SFXN3: variants seen among roughly 807,000 people sequenced by gnomAD.
SFXN3 encodes sideroflexin-3.
In SFXN3, 31 loss-of-function variants were observed where a neutral mutation model predicts 40.4. The observed-to-expected ratio is 0.77, with a 90% confidence interval of 0.58 to 1.04. The LOEUF is 1.04. Ranked by LOEUF, SFXN3 falls within the 50% of genes least tolerant of loss-of-function variation. The probability of loss-of-function intolerance (pLI) is 0.00; values close to 1 mark genes in which losing one functional copy is unlikely to be tolerated. For synonymous variants in SFXN3, 157 were observed against 160.0 expected, an observed-to-expected ratio of 0.98 and a Z score of 0.14; for missense variants, 366 against 408.2, an observed-to-expected ratio of 0.90 and a Z score of 0.89.
In SFXN3 at chr10:101,035,418, C is replaced by T. The variant is rs1447782616; in HGVS notation, c.162-79C>T. Reference sequence around the variant, plus strand: ...TTCCTGGTTCTCTGTCCAGAGTTACCCTGAGCTGGGCAGGTGGGGCCTGTG... The same window carrying T: ...TTCCTGGTTCTCTGTCCAGAGTTACTCTGAGCTGGGCAGGTGGGGCCTGTG... On this transcript the variant is annotated intron_variant, in intron 3 of 11. Transcript: ENST00000393459. 9 of 1,495,074 alleles carry T rather than the reference C, an allele frequency of 6.0e-6. No homozygotes were observed. The South Asian group carries it at 6.7e-5, about 11-fold the overall frequency. The allele number at this position is 1,495,074 out of a possible 1,614,324, so 92.6% of individuals were successfully genotyped here. A position where few individuals can be genotyped will look rare whatever the true frequency, so the allele number is the denominator to read the frequency against.
intron 3 of SFXN3, 131 bp from the exon 4 acceptor site, chr10:101,035,366 T>C (rs529168872): frequency 9.2e-7 from 1 of 1,084,094 alleles, no homozygotes; most frequent in South Asian, 2.0e-5. Context: ...ATAAGGAGCT[T>C]CCTTATGCTG....
chr10:101,035,735 C>A, intron 4 of SFXN3, 68 bp downstream of exon 4: 1 of 1,541,230 alleles, frequency 6.5e-7, no homozygotes, highest in South Asian at 1.3e-5. Flanking sequence ...AGGTGCGCTT[C>A]TTGTCTGGGC....
exon 1 of SFXN3, chr10:101,031,357 G>A (rs542550755): frequency 6.6e-6 from 1 of 152,454 alleles, no homozygotes; most frequent in African/African-American, 2.4e-5. Flanking sequence ...TTAGGGCTTG[G>A]GTCTGGCTTG....
intron 8 of SFXN3, 84 bp from the exon 9 acceptor site, chr10:101,037,298 A>G: frequency 6.2e-7 from 1 of 1,613,512 alleles, no homozygotes; most frequent in Non-Finnish European, 8.5e-7. Context: ...GAGAGGGAGG[A>G]GCTTTGAGGG....
At chr10:101,032,246 C>T in intron 1 of SFXN3, 68 bp from the exon 2 acceptor site, 1 of 493,758 alleles carries the variant, frequency 2.0e-6, no homozygotes, top group Non-Finnish European at 3.7e-6. Flanking sequence ...CTCTGGGAAG[C>T]AGCTTAGGGC....
intron 7 of SFXN3, 66 bp from the exon 8 acceptor site, chr10:101,037,010 G>T: frequency 6.3e-7 from 1 of 1,597,048 alleles, no homozygotes. Context: ...AGGAGCCGCT[G>T]CTCATTCGGG....
chr10:101,037,563 CTCCACCTTCGTTCAT>C, intron 9 of SFXN3, 132 bp downstream of exon 9: 1 of 1,577,394 alleles, frequency 6.3e-7, no homozygotes, highest in South Asian at 1.2e-5. Flanking sequence ...GCACCGCCTC[CTCCACCTTCGTTCAT>C]TCAGCAAGAA....
chr10:101,039,469 C>A lies in SFXN3; in HGVS notation c.870-20C>A, dbSNP rs748983081. ...GTTGGATTCAGGGGACGTTAACTGG[C>A]CTGTGCTGTTCTATTGCAGCTCCAT... is the stretch of plus-strand genomic sequence containing the variant. On this transcript the variant is annotated intron_variant, in intron 11 of 11. Transcript: ENST00000393459. The surrounding 1 kb of genome is among the most constrained non-coding windows in gnomAD (Gnocchi z 4.6). 6.2e-7 allele frequency: 1 copy of A among 1,609,738 alleles called. No homozygotes were observed. Among genetic ancestry groups the A allele is most frequent in the Admixed American group, 1.7e-5 (1 of 59,998 alleles).
exon 3 of SFXN3, chr10:101,034,749 A>G (rs1178553519): frequency 6.2e-7 from 1 of 1,614,152 alleles, no homozygotes; most frequent in Non-Finnish European, 8.5e-7. Flanking sequence ...GGACCAAAGT[A>G]CTTTCCTGGG....
rs916898575 is a variant in SFXN3, at chr10:101,038,836, C to G, written c.821+144C>G. On this transcript the variant is annotated intron_variant, in intron 10 of 11. Transcript: ENST00000393459. ...TGTGTGTTTGGAACAACTATAGGGT[C>G]TACTTTGTGTGTTACGGGGTGGTCC... 1.4e-5 allele frequency: 18 copies of G among 1,322,582 alleles called. No individual in the cohort carries two copies. In the South Asian group the frequency reaches 2.0e-4, roughly 15 times the overall value. 81.9% of individuals were successfully genotyped at this position (1,322,582 alleles called of 1,614,324 possible).
rs1033543422 is a variant in SFXN3, at chr10:101,037,843, A to G, written c.771+412A>G. On this transcript the variant is annotated intron_variant, in intron 9 of 11. Coordinates refer to ENST00000393459, the Ensembl canonical transcript of SFXN3. ...GAACAAGCTCTGGCTCATTCACAGA[A>G]TCATTTATTCACAAATGTATTGAGT... The G allele has an allele frequency of 1.9e-5, 21 of 1,078,016 alleles. No homozygotes were observed. In the African/African-American group the frequency reaches 3.1e-4, roughly 16 times the overall value. 66.8% of individuals were successfully genotyped at this position (1,078,016 alleles called of 1,614,324 possible). A position where few individuals can be genotyped will look rare whatever the true frequency, so the allele number is the denominator to read the frequency against.
intron 4 of SFXN3, 126 bp from the exon 5 acceptor site, chr10:101,035,877 A>G: frequency 3.5e-6 from 4 of 1,136,662 alleles, no homozygotes; most frequent in Non-Finnish European, 5.3e-6. Context: ...GGTTACCAGA[A>G]CAGGTTCTAG....
chr10:101,038,219 G>A, intron 9 of SFXN3: 1 of 1,037,578 alleles, frequency 9.6e-7, no homozygotes, highest in Middle Eastern at 4.5e-4. Flanking sequence ...GGAACAGGTT[G>A]GTGGTCCCTG....
chr10:101,037,369 G>C lies in SFXN3; in HGVS notation c.722-13G>C. 6.2e-7 allele frequency: 1 copy of C among 1,614,126 alleles called. No homozygotes were observed. The highest frequency in any genetic ancestry group is 1.1e-5 in the South Asian group (1 of 91,076). ...TACTAATGTTCTCCTTCTTGGCCCT[G>C]CTCTCCCCACAGCCATCCCACCACT... On this transcript the variant is annotated splice_polypyrimidine_tract_variant and intron_variant, in intron 8 of 11. Coordinates refer to ENST00000393459, the Ensembl canonical transcript of SFXN3.
At position 101,039,968 on chromosome 10, in the gene SFXN3, T is replaced by C. The variant is rs1298169864; in HGVS notation, c.*383T>C. 9.4e-6 allele frequency: 2 copies of C among 212,374 alleles called. No individual in the cohort carries two copies. Among genetic ancestry groups the C allele is most frequent in the Non-Finnish European group, 1.9e-5 (2 of 103,784 alleles). 13.2% of individuals were successfully genotyped at this position (212,374 alleles called of 1,614,324 possible). Reference sequence around the variant, plus strand: ...AGCCAGGCTACAGGTGTGACTTCCTTCTCTAAACTGTTACACCAGCCAAGT... The same window carrying C: ...AGCCAGGCTACAGGTGTGACTTCCTCCTCTAAACTGTTACACCAGCCAAGT... On this transcript the variant is annotated 3_prime_UTR_variant, in exon 12 of 12. Coordinates refer to ENST00000393459, the Ensembl canonical transcript of SFXN3. This position sits in a 1 kb window ranked among gnomAD's most constrained non-coding sequence, Gnocchi z 4.6.
In SFXN3 at chr10:101,037,007, G is replaced by A. The variant is rs7071849; in HGVS notation, c.594-69G>A. 2,292 of 1,592,762 alleles carry A rather than the reference G, an allele frequency of 1.4e-3. 24 individuals are homozygous for A. In the African/African-American group the frequency reaches 0.023, roughly 16 times the overall value. ...GTGTGTGAGGGGACCCTGAGGAGCCGCTGCTCATTCGGGCATTGCAGGTGG... is the reference window on the plus strand; with the variant it reads ...GTGTGTGAGGGGACCCTGAGGAGCCACTGCTCATTCGGGCATTGCAGGTGG... On this transcript the variant is annotated intron_variant, in intron 7 of 11. Coordinates refer to ENST00000393459, the Ensembl canonical transcript of SFXN3.
Position 101,037,452 on chromosome 10 carries a change from T to A in SFXN3, c.771+21T>A, listed in dbSNP as rs765995623. The A allele has an allele frequency of 2.5e-6, 4 of 1,614,186 alleles. No homozygotes were observed. In the Admixed American group the frequency reaches 6.7e-5, roughly 27 times the overall value. On this transcript the variant is annotated intron_variant, in intron 9 of 11. Coordinates refer to ENST00000393459, the Ensembl canonical transcript of SFXN3. Reference sequence around the variant, plus strand: ...TGAAGGTAGGCGACTGTACCTCTCTTGTCCTGGAATGGGCGATGGCTGGGA... The same window carrying A: ...TGAAGGTAGGCGACTGTACCTCTCTAGTCCTGGAATGGGCGATGGCTGGGA...
Position 101,036,869 on chromosome 10 carries a change from C to T in SFXN3, c.593+61C>T. On this transcript the variant is annotated intron_variant, in intron 7 of 11. Coordinates refer to ENST00000393459, the Ensembl canonical transcript of SFXN3. This position sits in a 1 kb window ranked among gnomAD's most constrained non-coding sequence, Gnocchi z 4.2. ...GAATGTAGCACACTGTCCATCCACG[C>T]AGACCACCTCAGAATGGGGACATCC... The T allele has an allele frequency of 1.3e-6, 2 of 1,583,214 alleles. No individual in the cohort carries two copies. The highest frequency in any genetic ancestry group is 1.7e-6 in the Non-Finnish European group (2 of 1,158,742).
rs778502035 is a variant in SFXN3, at chr10:101,035,642, A to G, written c.307A>G (p.Thr103Ala). ...CCAGGTGCCCATGAACATGACCATC[A>G]CTGGCTGCATGCTCACATTCTACAG... The change falls in exon 4 of 12, where the codon ACT becomes GCT. Residue 103 changes from threonine to alanine, a missense_variant. Thr to Ala is a moderately conservative substitution (Grantham distance 58). Coordinates refer to ENST00000393459, the Ensembl canonical transcript of SFXN3. 5.6e-6 allele frequency: 9 copies of G among 1,612,838 alleles called. No individual in the cohort carries two copies. In the Admixed American group the frequency reaches 1.5e-4, roughly 27 times the overall value.
Sources: gnomAD v4.1 joint callset for allele counts on GRCh38, gnomAD v4.1.1 for gene constraint, Gnocchi (gnomAD v3.1) non-coding constraint, MANE v1.5 for transcripts, NCBI Gene and HGNC (gene_info 2026-07-23, HGNC 2026-07-21) for gene names.